Variants in AHI1 observed in about 807,000 individuals in gnomAD.
The protein encoded by AHI1 is jouberin.
In AHI1, 123 loss-of-function variants were observed where a neutral mutation model predicts 149.3. That is an observed-to-expected ratio of 0.82 (90% CI 0.71 to 0.96). The LOEUF (loss-of-function observed/expected upper bound fraction) is 0.96, where lower values mean the gene tolerates loss of function less well. Ranked by LOEUF, AHI1 falls within the 40% of genes least tolerant of loss-of-function variation. The pLI is 0.00. For missense variants in AHI1, 1,439 were observed against 1,422.7 expected (o/e 1.01, Z -0.18); for synonymous variants, 475 against 459.8 (o/e 1.03, Z -0.42).
intron 5 of AHI1, among the ~76,000 whole-genome samples, chr6:135,480,979 C>A (rs1346364883): frequency 2.0e-5 from 3 of 152,188 alleles, no homozygotes. Context: ...GAAACCATCC[C>A]CCCCGGCCCA....
At chr6:135,392,346 T>C (rs1778628885) in intron 23 of AHI1, among the ~76,000 whole-genome samples, 2 of 152,290 alleles carry the variant, frequency 1.3e-5, no homozygotes, top group South Asian at 4.2e-4. Context: ...CTCCGTTACC[T>C]AGAACTCACC....
chr6:135,415,997 A>G (rs943826021), intron 20 of AHI1, among the ~76,000 whole-genome samples: 1 of 152,148 alleles, frequency 6.6e-6, no homozygotes, highest in African/African-American at 2.4e-5. Flanking sequence ...TGAGGAAGGA[A>G]CAGAACACAA....
At chr6:135,291,083 T>C (rs967434607) in intron 27 of AHI1, among the ~76,000 whole-genome samples, 2 of 152,186 alleles carry the variant, frequency 1.3e-5, no homozygotes, top group Non-Finnish European at 1.5e-5. Flanking sequence ...AAAACAAATG[T>C]TTTGTGGATG....
intron 7 of AHI1, among the ~76,000 whole-genome samples, chr6:135,464,520 T>A (rs1263194365): frequency 6.6e-6 from 1 of 152,176 alleles, no homozygotes; most frequent in Non-Finnish European, 1.5e-5. Context: ...GCTGGACTAG[T>A]GACTTACTTC....
At chr6:135,304,476 C>G (rs937898812) in intron 26 of AHI1, among the ~76,000 whole-genome samples, 5 of 152,100 alleles carry the variant, frequency 3.3e-5, no homozygotes, top group African/African-American at 1.2e-4. Flanking sequence ...CATACTGTAA[C>G]AAAAAGTGAA....
intron 26 of AHI1, among the ~76,000 whole-genome samples, chr6:135,313,877 G>T (rs763014191): frequency 6.6e-6 from 1 of 152,162 alleles, no homozygotes; most frequent in Non-Finnish European, 1.5e-5. Context: ...ACTAAGGGAG[G>T]GGGGGTCAGG....
intron 26 of AHI1, chr6:135,302,748 T>C (rs1345617457): frequency 7.8e-7 from 1 of 1,286,420 alleles, no homozygotes; most frequent in East Asian, 5.6e-5. Flanking sequence ...GTCATATAGG[T>C]AGTTACTCAT....
chr6:135,371,167 A>G (rs1197024178), intron 23 of AHI1, among the ~76,000 whole-genome samples: 1 of 152,116 alleles, frequency 6.6e-6, no homozygotes, highest in Non-Finnish European at 1.5e-5. Flanking sequence ...AAAACACCTA[A>G]TTTTTTCCTC....
At chr6:135,431,811 G>C (rs1286229481) in intron 16 of AHI1, among the ~76,000 whole-genome samples, 1 of 151,968 alleles carries the variant, frequency 6.6e-6, no homozygotes, top group Non-Finnish European at 1.5e-5. Context: ...ACCCACTCAG[G>C]AATATCTCAA....
intron 22 of AHI1, among the ~76,000 whole-genome samples, chr6:135,401,674 T>C (rs1008372342): frequency 6.6e-6 from 1 of 152,126 alleles, no homozygotes; most frequent in Admixed American, 6.6e-5. Context: ...CATCATACCA[T>C]ATACAAAAAT....
intron 24 of AHI1, among the ~76,000 whole-genome samples, chr6:135,327,422 A>T (rs1787869295): frequency 6.6e-6 from 1 of 152,222 alleles, no homozygotes; most frequent in African/African-American, 2.4e-5. Context: ...CTCTAAAGCA[A>T]AGAAATTGGA....
intron 24 of AHI1, among the ~76,000 whole-genome samples, chr6:135,330,759 C>T (rs567418534): frequency 3.2e-4 from 48 of 152,302 alleles, no homozygotes; most frequent in Admixed American, 2.6e-3. Context: ...ACAAAAACAG[C>T]GTGGCTCACG....
intron 26 of AHI1, among the ~76,000 whole-genome samples, chr6:135,315,339 C>G (rs1029578109): frequency 4.6e-5 from 7 of 152,118 alleles, no homozygotes; most frequent in Non-Finnish European, 7.4e-5. Context: ...CTCTATAGTT[C>G]TAGCTTGGTG....
intron 27 of AHI1, among the ~76,000 whole-genome samples, chr6:135,298,365 C>A (rs1265600744): frequency 6.7e-6 from 1 of 149,276 alleles, no homozygotes; most frequent in Non-Finnish European, 1.5e-5. Flanking sequence ...ACAAGAAATT[C>A]AAGTGGAAAG....
At chr6:135,346,088 G>C (rs1168349523) in intron 24 of AHI1, among the ~76,000 whole-genome samples, 2 of 152,156 alleles carry the variant, frequency 1.3e-5, no homozygotes, top group African/African-American at 4.8e-5. Flanking sequence ...TTGCTCATAA[G>C]ACCAAACAGC....
rs1454472979 is a variant in AHI1, at chr6:135,284,892, T to C, written c.*753A>G. ...TCTAAAGCTGCTTATCTTTTTTGTT[T>C]TTTGGAGATAGAGTCTTGCTCTGTC... On this transcript the variant is annotated 3_prime_UTR_variant, in exon 29 of 29. Coordinates refer to ENST00000265602, the MANE Select transcript of AHI1 (RefSeq NM_001134831.2). 2.6e-5 allele frequency: 4 copies of C among 152,186 alleles called. No individual in the cohort carries two copies. Among genetic ancestry groups the C allele is most frequent in the Non-Finnish European group, 2.9e-5 (2 of 68,040 alleles). 9.4% of individuals were successfully genotyped at this position (152,186 alleles called of 1,614,324 possible).
chr6:135,433,188 G>T lies in AHI1; in HGVS notation c.2105C>A (p.Thr702Lys), dbSNP rs756276537. 1 of 1,612,846 alleles carries T rather than the reference G, an allele frequency of 6.2e-7. No homozygotes were observed. Among genetic ancestry groups the T allele is most frequent in the South Asian group, 1.1e-5 (1 of 91,054 alleles). ...TCTTACAGCTGGATGGAATTTAGCC[G>T]TGTAAACAAAAGAAGGATGAGGTAA... ...RVLPHPSFVY[T>K]AKFHPAVREL... Residue 702 changes from threonine to lysine, a missense_variant, in exon 16 of 29, where the codon ACG becomes AAG. Thr to Lys is a moderately conservative substitution (Grantham distance 78, BLOSUM62 -1). Coordinates refer to ENST00000265602, the MANE Select transcript of AHI1 (RefSeq NM_001134831.2).
intron 5 of AHI1, among the ~76,000 whole-genome samples, chr6:135,471,623 T>A (rs185459737): frequency 6.6e-6 from 1 of 151,790 alleles, no homozygotes; most frequent in African/African-American, 2.4e-5. Context: ...TCATTCATGT[T>A]CCTATTATAC....
chr6:135,478,931 T>A (rs1583447843), intron 5 of AHI1, among the ~76,000 whole-genome samples: 1 of 152,246 alleles, frequency 6.6e-6, no homozygotes, highest in African/African-American at 2.4e-5. Context: ...GGGGCCAAGA[T>A]ACAGCTCAGG....
Sources: allele counts gnomAD v4.1 joint callset (sites outside exome capture counted in the v4.1 genomes callset), GRCh38; gene constraint gnomAD v4.1.1; transcripts MANE v1.5; gene names NCBI Gene and HGNC (gene_info 2026-07-23, HGNC 2026-07-21).